KANK1: variants seen among roughly 807,000 people sequenced by gnomAD.
The protein encoded by KANK1 is KN motif and ankyrin repeat domains 1.
Under a neutral mutation model 106.2 loss-of-function variants are expected in KANK1, and 109 were observed. The ratio of observed to expected loss-of-function variants is 1.03; its 90% CI spans 0.88 to 1.20. KANK1 has a LOEUF of 1.20. Ranked by LOEUF, KANK1 falls within the 50% of genes most tolerant of loss-of-function variation. KANK1 has a pLI of 0.00. For synonymous variants in KANK1, 873 were observed against 652.2 expected (o/e 1.34, Z -5.16); for missense variants, 2,399 against 1,710.7 (o/e 1.40, Z -7.10).
intron 2 of KANK1, among the ~76,000 whole-genome samples, chr9:680,192 G>A (rs1454521085): frequency 6.6e-6 from 1 of 152,102 alleles, no homozygotes; most frequent in African/African-American, 2.4e-5. Context: ...ATGGAGTCAG[G>A]GCAGTGGCAA....
chr9:732,652 C>G, intron 6 of KANK1, 35 bp downstream of exon 6: 2 of 1,601,648 alleles, frequency 1.2e-6, no homozygotes, highest in South Asian at 2.2e-5. Context: ...CTTGCCCCTC[C>G]CACATTTAAT....
At chr9:496,296 G>A (rs1259580098) in intron 3 of KANK1, among the ~76,000 whole-genome samples, 1 of 152,214 alleles carries the variant, frequency 6.6e-6, no homozygotes, top group Non-Finnish European at 1.5e-5. Context: ...ACTCACGCAT[G>A]TAATCCCAGT....
chr9:602,927 G>T (rs1828135358), intron 1 of KANK1, among the ~76,000 whole-genome samples: 1 of 151,806 alleles, frequency 6.6e-6, no homozygotes, highest in African/African-American at 2.4e-5. Context: ...AACCAAACAT[G>T]CAGTCAAGGC....
chr9:554,888 A>C (rs2061489814), intron 1 of KANK1, among the ~76,000 whole-genome samples: 3 of 152,324 alleles, frequency 2.0e-5, no homozygotes, highest in South Asian at 4.1e-4. Flanking sequence ...CTTGGGGTAA[A>C]CACTGCAGCT....
intron 1 of KANK1, among the ~76,000 whole-genome samples, chr9:581,502 G>C (rs1159121740): frequency 8.9e-6 from 1 of 111,938 alleles, no homozygotes; most frequent in Non-Finnish European, 1.8e-5. Flanking sequence ...AAATACATAG[G>C]TTACTAGCTA....
At chr9:613,161 C>T (rs1188368991) in intron 1 of KANK1, among the ~76,000 whole-genome samples, 1 of 151,896 alleles carries the variant, frequency 6.6e-6, no homozygotes, top group Admixed American at 6.6e-5. Context: ...TGGCTCCATG[C>T]TTCCTAGCAG....
intron 3 of KANK1, among the ~76,000 whole-genome samples, chr9:483,603 C>G (rs978759538): frequency 6.6e-6 from 1 of 152,134 alleles, no homozygotes; most frequent in African/African-American, 2.4e-5. Flanking sequence ...TAGATGGAAA[C>G]AATGGAATGC....
chr9:505,843 C>T (rs951164188), intron 1 of KANK1, among the ~76,000 whole-genome samples: 1 of 152,194 alleles, frequency 6.6e-6, no homozygotes, highest in East Asian at 1.9e-4. Context: ...GTCATTGCCC[C>T]CCACCTCTGG....
chr9:604,090 C>G (rs1018712648), intron 1 of KANK1, among the ~76,000 whole-genome samples: 1 of 151,430 alleles, frequency 6.6e-6, no homozygotes, highest in East Asian at 1.9e-4. Context: ...GTTGGGGTAC[C>G]AGTTCATAAT....
chr9:716,372 T>C (rs1484349161), intron 3 of KANK1, among the ~76,000 whole-genome samples: 1 of 152,254 alleles, frequency 6.6e-6, no homozygotes, highest in African/African-American at 2.4e-5. Context: ...AATAGAAATG[T>C]AGATCTAGAA....
intron 1 of KANK1, among the ~76,000 whole-genome samples, chr9:512,097 G>T (rs1220917052): frequency 6.6e-6 from 1 of 152,146 alleles, no homozygotes; most frequent in African/African-American, 2.4e-5. Flanking sequence ...TACACATGTT[G>T]ACTTCATTTG....
intron 3 of KANK1, among the ~76,000 whole-genome samples, chr9:715,107 T>C (rs960769890): frequency 3.3e-5 from 5 of 152,212 alleles, no homozygotes; most frequent in Non-Finnish European, 7.3e-5. Flanking sequence ...ATTGTTAGTT[T>C]TCAGTATCTG....
intron 3 of KANK1, among the ~76,000 whole-genome samples, chr9:479,658 A>G (rs1587196946): frequency 3.3e-5 from 5 of 152,352 alleles, no homozygotes; most frequent in Admixed American, 3.3e-4. Flanking sequence ...ATAGTCACAT[A>G]GGATAAGAAT....
intron 1 of KANK1, among the ~76,000 whole-genome samples, chr9:508,368 C>G (rs1014112030): frequency 6.6e-6 from 1 of 151,972 alleles, no homozygotes; most frequent in Non-Finnish European, 1.5e-5. Flanking sequence ...AACTCCCGAC[C>G]TCAGGTGATC....
chr9:671,825 G>A (rs558145595), intron 1 of KANK1, among the ~76,000 whole-genome samples: 1 of 150,952 alleles, frequency 6.6e-6, no homozygotes, highest in African/African-American at 2.5e-5. Flanking sequence ...GTACACACCT[G>A]TAATCCCAGC....
At chr9:600,794 A>G in intron 1 of KANK1, among the ~76,000 whole-genome samples, 1 of 151,840 alleles carries the variant, frequency 6.6e-6, no homozygotes, top group East Asian at 1.9e-4. Flanking sequence ...GTGAATACCC[A>G]GTGTTCGCTT....
intron 1 of KANK1, among the ~76,000 whole-genome samples, chr9:579,598 C>T (rs763003992): frequency 5.3e-5 from 8 of 152,098 alleles, no homozygotes; most frequent in Non-Finnish European, 1.0e-4. Flanking sequence ...GAAGCATCTT[C>T]TCAGCATAGG....
intron 1 of KANK1, among the ~76,000 whole-genome samples, chr9:603,255 G>T (rs1012696839): frequency 1.3e-5 from 2 of 151,856 alleles, no homozygotes; most frequent in East Asian, 3.8e-4. Context: ...GTCAGAGTGT[G>T]GCACAAATCT....
intron 2 of KANK1, among the ~76,000 whole-genome samples, chr9:705,341 C>G (rs1395007665): frequency 2.0e-5 from 3 of 152,090 alleles, no homozygotes; most frequent in African/African-American, 7.2e-5. Flanking sequence ...CAAAAAGTAG[C>G]TGGGCGTGGT....
Sources: gnomAD v4.1 joint callset for allele counts (sites outside exome capture counted in the v4.1 genomes callset) on GRCh38, gnomAD v4.1.1 for gene constraint, MANE v1.5 for transcripts, NCBI Gene and HGNC (gene_info 2026-07-23, HGNC 2026-07-21) for gene names.